The following FYN variants were observed in gnomAD, a reference collection of about 807,000 sequenced individuals.
FYN encodes the protein FYN proto-oncogene, Src family tyrosine kinase, also known as tyrosine-protein kinase Fyn.
In FYN, 10 loss-of-function variants were observed where a neutral mutation model predicts 70.2. That is an observed-to-expected ratio of 0.14 (90% CI 0.09 to 0.24). FYN has a LOEUF of 0.24. FYN is among the 10% of genes least tolerant of loss of function. The pLI, the probability that FYN is intolerant of heterozygous loss-of-function variation, is 1.00. For missense variants in FYN, 319 were observed against 673.1 expected (o/e 0.47, Z 5.82); for synonymous variants, 236 against 248.6 (o/e 0.95, Z 0.48).
At chr6:111,666,824 C>A (rs1236450264) in intron 13 of FYN, among the ~76,000 whole-genome samples, 1 of 152,092 alleles carries the variant, frequency 6.6e-6, no homozygotes, top group Non-Finnish European at 1.5e-5. Flanking sequence ...CAGAGCGAGA[C>A]CTTACTAGTC....
chr6:111,761,515 T>C (rs72942149), intron 3 of FYN, among the ~76,000 whole-genome samples: 3,473 of 152,330 alleles, frequency 0.023, 73 homozygotes, highest in African/African-American at 0.05. Context: ...AAGATGAAGC[T>C]GGAAATCAGT....
intron 2 of FYN, among the ~76,000 whole-genome samples, chr6:111,801,493 A>G (rs1771983175): frequency 6.6e-6 from 1 of 152,144 alleles, no homozygotes; most frequent in South Asian, 2.1e-4. Context: ...ATATATAGAC[A>G]TTTGTTGGCT....
chr6:111,727,492 A>C (rs1340435551), intron 3 of FYN, among the ~76,000 whole-genome samples: 3 of 152,226 alleles, frequency 2.0e-5, no homozygotes, highest in Admixed American at 2.0e-4. Flanking sequence ...CTCTTGGTGA[A>C]GCCTGTGAGG....
intron 1 of FYN, among the ~76,000 whole-genome samples, chr6:111,848,542 G>A (rs1357159470): frequency 3.3e-5 from 5 of 152,132 alleles, no homozygotes; most frequent in African/African-American, 9.7e-5. Context: ...TCAGGCTTAC[G>A]AAACAGATGG....
intron 12 of FYN, among the ~76,000 whole-genome samples, chr6:111,684,053 C>T (rs972056389): frequency 6.6e-6 from 1 of 152,172 alleles, no homozygotes; most frequent in Admixed American, 6.5e-5. Context: ...AAAGTTTTAG[C>T]ATCATGTTTT....
At chr6:111,702,795 T>A in intron 8 of FYN, 90 bp downstream of exon 8, 1 of 1,264,194 alleles carries the variant, frequency 7.9e-7, no homozygotes, top group Non-Finnish European at 1.1e-6. Flanking sequence ...TTTGTACATA[T>A]TAGTTTTACC....
At position 111,694,822 on chromosome 6, in the gene FYN, C is replaced by A; in HGVS notation, c.1043-118G>T. ...TAGTCAAATGGAATAATGCCATCCA[C>A]ATGGGGGGACAAAAAGGTTTATATA... On this transcript the variant is annotated intron_variant, in intron 10 of 13. Transcript: ENST00000354650. This position sits in a 1 kb window ranked among gnomAD's most constrained non-coding sequence, Gnocchi z 5.0. 1 of 794,000 alleles carries A rather than the reference C, an allele frequency of 1.3e-6. No homozygotes were observed. Among genetic ancestry groups the A allele is most frequent in the Non-Finnish European group, 2.0e-6 (1 of 504,184 alleles). 49.2% of individuals were successfully genotyped at this position (794,000 alleles called of 1,614,324 possible).
chr6:111,674,512 T>C lies in FYN; in HGVS notation c.1392A>G (p.Arg464=). The part of the protein sequence containing the change: ...ILLTELVTKG[R]VPYPGMNNRE... ...CCCTGCTCTTACCTGGGTATGGCAC[T>C]CTTCCTTTGGTGACCAGCTCTGTGA... The change falls in exon 13 of 14, where the codon AGA becomes AGG. Residue 464 remains arginine (R), a synonymous_variant. Coordinates refer to ENST00000354650, the MANE Select transcript of FYN (RefSeq NM_002037.5). The C allele has an allele frequency of 6.2e-7, 1 of 1,613,420 alleles. No homozygotes were observed. The highest frequency in any genetic ancestry group is 2.2e-5 in the East Asian group (1 of 44,850).
At chr6:111,856,075 T>C (rs1773816348) in intron 1 of FYN, among the ~76,000 whole-genome samples, 1 of 152,206 alleles carries the variant, frequency 6.6e-6, no homozygotes, top group African/African-American at 2.4e-5. Context: ...GACAAAACAT[T>C]TGAAAGGACC....
chr6:111,712,635 T>C (rs533527017), intron 5 of FYN, among the ~76,000 whole-genome samples: 50 of 152,352 alleles, frequency 3.3e-4, no homozygotes, highest in Non-Finnish European at 6.2e-4. Context: ...ATGACGTCGA[T>C]GCATACCTCA....
intron 2 of FYN, among the ~76,000 whole-genome samples, chr6:111,797,029 A>G (rs1771825556): frequency 6.6e-6 from 1 of 152,116 alleles, no homozygotes; most frequent in Admixed American, 6.5e-5. Context: ...TGAATTTACT[A>G]TTTTTTTAAT....
At chr6:111,849,363 C>T (rs1773620193) in intron 1 of FYN, among the ~76,000 whole-genome samples, 1 of 152,246 alleles carries the variant, frequency 6.6e-6, no homozygotes, top group African/African-American at 2.4e-5. Flanking sequence ...ATCCTCAACT[C>T]TGAGCTCTCT....
In FYN at chr6:111,673,619, A is replaced by ACTGTTTTTTTT. The variant is rs1301768351; in HGVS notation, c.1405+879_1405+880insAAAAAAAACAG. On this transcript the variant is annotated intron_variant, in intron 13 of 13. Transcript: ENST00000354650. Reference sequence around the variant, plus strand: ...ATTAATCGTCACTATCGTTTCTATCATTGTTTTTTTTTTTTTTTTTTTCTT... The same window carrying ACTGTTTTTTTT: ...ATTAATCGTCACTATCGTTTCTATCACTGTTTTTTTTTTGTTTTTTTTTTTTTTTTTTTCTT... Among the ~76,000 whole-genome samples, 17 of 65,006 alleles carry ACTGTTTTTTTT rather than the reference A, an allele frequency of 2.6e-4. No individual in the cohort carries two copies. In the East Asian group the frequency reaches 3.3e-3, roughly 13 times the overall value. The allele number at this position is 65,006 out of a possible 152,430, so 42.6% of individuals were successfully genotyped here.
At chr6:111,664,121 G>A (rs372131218) in intron 13 of FYN, among the ~76,000 whole-genome samples, 2 of 152,218 alleles carry the variant, frequency 1.3e-5, no homozygotes, top group African/African-American at 2.4e-5. Context: ...GTGTAATCAC[G>A]TAGCAGAACT....
chr6:111,843,974 C>A (rs2114469670), intron 2 of FYN, among the ~76,000 whole-genome samples: 1 of 152,208 alleles, frequency 6.6e-6, no homozygotes, highest in South Asian at 2.1e-4. Flanking sequence ...AAATAAGGCA[C>A]ACAAACATAT....
chr6:111,715,092 C>T (rs557702959), intron 4 of FYN, among the ~76,000 whole-genome samples: 2 of 152,268 alleles, frequency 1.3e-5, no homozygotes, highest in African/African-American at 4.8e-5. Flanking sequence ...CTCACACTGT[C>T]TTGTAGCACT....
chr6:111,782,891 G>A (rs1000533249), intron 2 of FYN, among the ~76,000 whole-genome samples: 1 of 152,172 alleles, frequency 6.6e-6, no homozygotes, highest in Non-Finnish European at 1.5e-5. Flanking sequence ...TTCTGAGGCA[G>A]GTGGGACAAA....
intron 3 of FYN, among the ~76,000 whole-genome samples, chr6:111,775,111 G>A (rs986325765): frequency 6.6e-5 from 10 of 152,140 alleles, no homozygotes; most frequent in African/African-American, 2.4e-4. Context: ...TGTGGGGTGG[G>A]ACCAACCACC....
At chr6:111,764,299 TGA>T (rs920045400) in intron 3 of FYN, among the ~76,000 whole-genome samples, 5 of 146,870 alleles carry the variant, frequency 3.4e-5, no homozygotes, top group Admixed American at 2.0e-4. Context: ...AAGAAACCTC[TGA>T]GGAAGTAATA....
Sources: gnomAD v4.1 joint callset for allele counts (sites outside exome capture counted in the v4.1 genomes callset) on GRCh38, gnomAD v4.1.1 for gene constraint, Gnocchi (gnomAD v3.1) non-coding constraint, MANE v1.5 for transcripts, NCBI Gene and HGNC (gene_info 2026-07-23, HGNC 2026-07-21) for gene names.